Variants in GRID2 observed in about 807,000 individuals in gnomAD.
The protein encoded by GRID2 is glutamate ionotropic receptor delta type subunit 2.
A neutral mutation model predicts 114.8 loss-of-function variants in GRID2; 33 were observed. The observed-to-expected ratio is 0.29, with a 90% CI of 0.22 to 0.38. The LOEUF (loss-of-function observed/expected upper bound fraction) is 0.38. Ranked by LOEUF, GRID2 falls within the 10% of genes least tolerant of loss-of-function variation. The probability of loss-of-function intolerance (pLI) is 1.00; values close to 1 mark genes in which losing one functional copy is unlikely to be tolerated. For synonymous variants in GRID2, 505 were observed against 449.9 expected (o/e 1.12, Z -1.55); for missense variants, 1,184 against 1,257.7 (o/e 0.94, Z 0.89).
intron 2 of GRID2, among the ~76,000 whole-genome samples, chr4:92,905,200 C>G (rs980907825): frequency 6.6e-6 from 1 of 151,884 alleles, no homozygotes; most frequent in Non-Finnish European, 1.5e-5. Flanking sequence ...AAGTGGATTA[C>G]TGAAAGTTAG....
At chr4:93,249,283 T>A (rs1467576672) in intron 8 of GRID2, among the ~76,000 whole-genome samples, 2 of 152,162 alleles carry the variant, frequency 1.3e-5, no homozygotes, top group Non-Finnish European at 2.9e-5. Context: ...AAACTGGTAG[T>A]ATAGTTTGAA....
chr4:92,645,696 T>C (rs1246912890), intron 2 of GRID2, among the ~76,000 whole-genome samples: 4 of 151,746 alleles, frequency 2.6e-5, no homozygotes, highest in Non-Finnish European at 1.5e-5. Context: ...ATGATTTTTA[T>C]CACCATGGAC....
intron 13 of GRID2, among the ~76,000 whole-genome samples, chr4:93,583,638 G>A (rs1448914809): frequency 2.0e-5 from 3 of 152,226 alleles, no homozygotes; most frequent in South Asian, 2.1e-4. Flanking sequence ...AACTTGACCA[G>A]CATTATATAC....
In GRID2 at chr4:92,676,232, G is replaced by C. The variant is rs551896247; in HGVS notation, c.244+85946G>C. Among the ~76,000 whole-genome samples, 8 of 54,710 alleles carry C rather than the reference G, an allele frequency of 1.5e-4. No individual in the cohort carries two copies. In the South Asian group the frequency reaches 3.6e-3, roughly 25 times the overall value. 35.9% of individuals were successfully genotyped at this position (54,710 alleles called of 152,430 possible). A position where few individuals can be genotyped will look rare whatever the true frequency, so the allele number is the denominator to read the frequency against. ...GTCTCGCTCTGTCGCCCAGGCTGGAGTGCAGTGGCGCTATCTCGGCTCACT... is the reference window on the plus strand; with the variant it reads ...GTCTCGCTCTGTCGCCCAGGCTGGACTGCAGTGGCGCTATCTCGGCTCACT... On this transcript the variant is annotated intron_variant, in intron 2 of 15. Transcript: ENST00000282020.
chr4:93,416,277 T>C (rs900514542), intron 9 of GRID2, among the ~76,000 whole-genome samples: 3 of 152,044 alleles, frequency 2.0e-5, no homozygotes, highest in Non-Finnish European at 4.4e-5. Context: ...GTGAGGTTTT[T>C]CCAAGAAGAA....
At chr4:92,376,835 C>T (rs1000096939) in intron 1 of GRID2, among the ~76,000 whole-genome samples, 1 of 152,122 alleles carries the variant, frequency 6.6e-6, no homozygotes, top group African/African-American at 2.4e-5. Flanking sequence ...TCTGAATTAG[C>T]CCCTTTCAGC....
chr4:92,389,132 C>A (rs1579283714), intron 1 of GRID2, among the ~76,000 whole-genome samples: 1 of 151,934 alleles, frequency 6.6e-6, no homozygotes, highest in African/African-American at 2.4e-5. Flanking sequence ...TAGGAAGAAA[C>A]TCATAGCCAA....
intron 2 of GRID2, among the ~76,000 whole-genome samples, chr4:92,745,443 C>A (rs1737104163): frequency 6.6e-6 from 1 of 152,030 alleles, no homozygotes; most frequent in Admixed American, 6.6e-5. Flanking sequence ...ACACACATAC[C>A]TATAGGTCCA....
chr4:92,501,275 A>G (rs1335380962), intron 1 of GRID2, among the ~76,000 whole-genome samples: 1 of 152,184 alleles, frequency 6.6e-6, no homozygotes, highest in African/African-American at 2.4e-5. Flanking sequence ...TGGCCAGAGC[A>G]TCTGTGAGGG....
intron 11 of GRID2, among the ~76,000 whole-genome samples, chr4:93,471,791 C>G (rs1322436129): frequency 7.3e-6 from 1 of 137,882 alleles, no homozygotes; most frequent in Middle Eastern, 4.0e-3. Context: ...ACCTCCGCCT[C>G]CTGGGTTCAA....
At chr4:92,646,484 A>C (rs1731632580) in intron 2 of GRID2, among the ~76,000 whole-genome samples, 1 of 152,238 alleles carries the variant, frequency 6.6e-6, no homozygotes, top group Non-Finnish European at 1.5e-5. Flanking sequence ...CTAAAAAAAA[A>C]AAACTTGTTC....
intron 8 of GRID2, among the ~76,000 whole-genome samples, chr4:93,371,741 C>CTTTTTTTTTTTTT (rs1205096650): frequency 1.1e-5 from 1 of 89,796 alleles, no homozygotes; most frequent in Non-Finnish European, 2.1e-5. Flanking sequence ...ATCACTATTT[C>CTTTTTTTTTTTTT]TTTTTTTTTT....
At chr4:93,728,231 G>A (rs534941370) in intron 14 of GRID2, among the ~76,000 whole-genome samples, 12 of 151,938 alleles carry the variant, frequency 7.9e-5, no homozygotes, top group East Asian at 5.8e-4. Flanking sequence ...TTCTGCCTTC[G>A]TTTCATTATG....
chr4:92,940,634 C>A (rs893324877), intron 2 of GRID2, among the ~76,000 whole-genome samples: 1 of 152,128 alleles, frequency 6.6e-6, no homozygotes, highest in Non-Finnish European at 1.5e-5. Context: ...GAGGGCATCC[C>A]TGTCTTGTGC....
At chr4:93,059,810 T>A (rs988838915) in intron 2 of GRID2, among the ~76,000 whole-genome samples, 1 of 145,212 alleles carries the variant, frequency 6.9e-6, no homozygotes, top group South Asian at 2.2e-4. Flanking sequence ...CAGTGATCTT[T>A]AAAAAAAAAA....
At chr4:92,378,912 C>T (rs1323649741) in intron 1 of GRID2, among the ~76,000 whole-genome samples, 2 of 151,712 alleles carry the variant, frequency 1.3e-5, no homozygotes, top group Non-Finnish European at 2.9e-5. Context: ...ATTTATTTTG[C>T]CTTCATCTAC....
rs1000086236 is a variant in GRID2, at chr4:93,376,091, C to A, written c.1246-19516C>A. 7.2e-5 allele frequency among the ~76,000 whole-genome samples: 11 copies of A among 152,158 alleles called. No homozygotes were observed. The East Asian group carries it at 1.9e-3, about 27-fold the overall frequency. On this transcript the variant is annotated intron_variant, in intron 8 of 15. Coordinates refer to ENST00000282020, the MANE Select transcript of GRID2 (RefSeq NM_001510.4). ...TACAACAGTCTGATTAGTTTTGGGC[C>A]CACCCATATGATCTCACTTAACCAT... is the stretch of plus-strand genomic sequence containing the variant.
intron 13 of GRID2, among the ~76,000 whole-genome samples, chr4:93,574,631 A>G (rs559409048): frequency 6.6e-6 from 1 of 152,156 alleles, no homozygotes; most frequent in Non-Finnish European, 1.5e-5. Context: ...CACTATCACA[A>G]GAACAACACA....
At chr4:93,592,713 A>G (rs1314369791) in intron 13 of GRID2, among the ~76,000 whole-genome samples, 2 of 152,160 alleles carry the variant, frequency 1.3e-5, no homozygotes, top group African/African-American at 2.4e-5. Flanking sequence ...TAGGTCACTC[A>G]GGACTTGCTT....
Sources: gnomAD v4.1 joint callset for allele counts (sites outside exome capture counted in the v4.1 genomes callset) on GRCh38, gnomAD v4.1.1 for gene constraint, MANE v1.5 for transcripts, NCBI Gene and HGNC (gene_info 2026-07-23, HGNC 2026-07-21) for gene names.